The following MYT1L variants were observed in gnomAD, a reference collection of about 807,000 sequenced individuals.
MYT1L encodes the protein myelin transcription factor 1-like protein.
MYT1L carries 12 observed loss-of-function variants against 126.7 expected under a neutral mutation model. The observed-to-expected ratio is 0.09, with a 90% CI of 0.06 to 0.15. The LOEUF (loss-of-function observed/expected upper bound fraction) is 0.15, where lower values mean the gene tolerates loss of function less well. MYT1L is among the 10% of genes least tolerant of loss of function. The probability of loss-of-function intolerance (pLI) is 1.00; values close to 1 mark genes in which losing one functional copy is unlikely to be tolerated. For synonymous variants in MYT1L, 541 were observed against 604.2 expected (o/e 0.90, Z 1.53); for missense variants, 979 against 1,585.2 (o/e 0.62, Z 6.49).
chr2:1,928,364 G>GAAAGGCACCTTTCAGAGGCAC (rs2054503394), intron 9 of MYT1L, among the ~76,000 whole-genome samples: 1 of 152,206 alleles, frequency 6.6e-6, no homozygotes, highest in Non-Finnish European at 1.5e-5. Flanking sequence ...GGCACCTACT[G>GAAAGGCACCTTTCAGAGGCAC]CTCCCTCTGA....
At chr2:2,004,303 A>ATACGTTCTTTCCTGCG (rs2062852965) in intron 4 of MYT1L, among the ~76,000 whole-genome samples, 1 of 123,390 alleles carries the variant, frequency 8.1e-6, no homozygotes, top group African/African-American at 3.1e-5. Context: ...TCTTTCCTGC[A>ATACGTTCTTTCCTGCG]TGCGTTCTTT....
At chr2:1,985,825 G>A (rs923041454) in intron 5 of MYT1L, among the ~76,000 whole-genome samples, 13 of 152,188 alleles carry the variant, frequency 8.5e-5, no homozygotes, top group African/African-American at 3.1e-4. Flanking sequence ...CAACTTGTGA[G>A]AGTGCGACCA....
rs371203153 is a variant in MYT1L, at chr2:1,839,190, G to A, written c.3039C>T (p.Asp1013=). The change falls in exon 21 of 25, where the codon GAC becomes GAT. Residue 1013 remains aspartate, a synonymous_variant. Coordinates refer to ENST00000647738, the MANE Select transcript of MYT1L (RefSeq NM_001303052.2). ...EGMSCPTPGC[D]GSGHVSGSFL... ...AGCTGCCGCTGACGTGGCCTGAGCC[G>A]TCGCATCCTGGCGTGGGGCAGGACA... is the stretch of plus-strand genomic sequence containing the variant. 3.0e-4 allele frequency: 482 copies of A among 1,613,398 alleles called. No homozygotes were observed. Among genetic ancestry groups the A allele is most frequent in the Non-Finnish European group, 3.8e-4 (451 of 1,179,846 alleles).
intron 2 of MYT1L, among the ~76,000 whole-genome samples, chr2:2,237,705 C>A (rs545000724): frequency 7.9e-5 from 12 of 152,286 alleles, no homozygotes; most frequent in African/African-American, 2.9e-4. Flanking sequence ...AGTCCCTAAG[C>A]CCCTGGATTG....
intron 5 of MYT1L, among the ~76,000 whole-genome samples, chr2:1,996,524 G>A (rs1285763521): frequency 6.8e-6 from 1 of 146,812 alleles, no homozygotes; most frequent in Non-Finnish European, 1.5e-5. Context: ...TAGTGAGTGA[G>A]GGCCGCCCTG....
chr2:1,978,985 G>A (rs1404850890), intron 8 of MYT1L, among the ~76,000 whole-genome samples, 180 bp downstream of exon 8: 2 of 152,052 alleles, frequency 1.3e-5, no homozygotes, highest in Admixed American at 6.6e-5. Flanking sequence ...GAGATCGAAC[G>A]GCTTATGTTT....
chr2:1,792,290 A>G (rs751288751), intron 24 of MYT1L, 31 bp downstream of exon 24: 5 of 1,576,244 alleles, frequency 3.2e-6, no homozygotes, highest in African/African-American at 1.3e-5. Flanking sequence ...GGAGGACTCC[A>G]CATTCCTGCC....
At chr2:2,235,507 T>G (rs2094272848) in intron 2 of MYT1L, among the ~76,000 whole-genome samples, 1 of 152,210 alleles carries the variant, frequency 6.6e-6, no homozygotes, top group Non-Finnish European at 1.5e-5. Flanking sequence ...GGCTGGTGTC[T>G]CCCTTGCTCC....
chr2:2,157,917 G>A (rs1252802541), intron 3 of MYT1L, among the ~76,000 whole-genome samples: 1 of 152,094 alleles, frequency 6.6e-6, no homozygotes, highest in Non-Finnish European at 1.5e-5. Flanking sequence ...GATCCACAGA[G>A]CCAGACTCTG....
intron 18 of MYT1L, among the ~76,000 whole-genome samples, chr2:1,861,645 G>C (rs944388416): frequency 2.7e-5 from 2 of 74,664 alleles, no homozygotes; most frequent in Non-Finnish European, 6.3e-5. Flanking sequence ...TGTAATCCTG[G>C]ATCTTCCTAC....
intron 2 of MYT1L, among the ~76,000 whole-genome samples, chr2:2,273,853 C>CA (rs35578652): frequency 3.3e-5 from 5 of 151,854 alleles, no homozygotes; most frequent in Admixed American, 6.6e-5. Context: ...TATCCGCCCA[C>CA]AAAAAAAATT....
At chr2:2,293,256 A>G (rs1259552574) in intron 1 of MYT1L, among the ~76,000 whole-genome samples, 1 of 152,160 alleles carries the variant, frequency 6.6e-6, no homozygotes, top group African/African-American at 2.4e-5. Context: ...AAAGAACAAG[A>G]ACAGCACCGA....
chr2:2,245,281 G>A (rs532633959), intron 2 of MYT1L, among the ~76,000 whole-genome samples: 29 of 152,148 alleles, frequency 1.9e-4, no homozygotes, highest in East Asian at 1.2e-3. Flanking sequence ...CAAAGCATGT[G>A]CTGGGCCGAC....
chr2:2,080,178 ATC>A (rs1341757036), intron 3 of MYT1L, among the ~76,000 whole-genome samples: 4 of 152,228 alleles, frequency 2.6e-5, no homozygotes, highest in Non-Finnish European at 5.9e-5. Flanking sequence ...CGCAAAATGT[ATC>A]AAAGGCCTAA....
rs766148461 is a variant in MYT1L at position 2,289,664 on chromosome 2, C to G, written c.-520-5161G>C. Reference sequence around the variant, plus strand: ...CTGCAAACAAATGTTAACTCCCCCTCACTGGTACCACCCATGGAATAAAAA... The same window carrying G: ...CTGCAAACAAATGTTAACTCCCCCTGACTGGTACCACCCATGGAATAAAAA... On this transcript the variant is annotated intron_variant, in intron 1 of 24. Transcript: ENST00000647738. Among the ~76,000 whole-genome samples, 6 of 152,306 alleles carry G rather than the reference C, an allele frequency of 3.9e-5. No homozygotes were observed. The South Asian group carries it at 1.0e-3, about 26-fold the overall frequency.
chr2:2,004,061 G>A (rs1306763321), intron 4 of MYT1L, among the ~76,000 whole-genome samples: 1 of 142,816 alleles, frequency 7.0e-6, no homozygotes, highest in Non-Finnish European at 1.5e-5. Context: ...ATACTTTCCT[G>A]CAGGCGTTCT....
intron 18 of MYT1L, 180 bp downstream of exon 18, chr2:1,886,359 G>T: frequency 2.3e-6 from 1 of 442,174 alleles, no homozygotes; most frequent in South Asian, 5.7e-5. Context: ...AGGCAGAATG[G>T]GTTGTGTGGA....
chr2:1,839,450 C>A (rs959695819), intron 20 of MYT1L, 80 bp from the exon 21 acceptor site: 6 of 1,291,438 alleles, frequency 4.6e-6, no homozygotes, highest in Admixed American at 2.2e-5. Context: ...CAGAATAACC[C>A]GGCATGAAGA....
intron 9 of MYT1L, 35 bp from the exon 10 acceptor site, chr2:1,923,298 A>G (rs1189108376): frequency 1.3e-6 from 2 of 1,521,444 alleles, no homozygotes; most frequent in East Asian, 4.9e-5. Context: ...AAAAGAAAAG[A>G]AAAGGAAAAA....
Sources: gnomAD v4.1 joint callset for allele counts (sites outside exome capture counted in the v4.1 genomes callset) on GRCh38, gnomAD v4.1.1 for gene constraint, MANE v1.5 for transcripts, NCBI Gene and HGNC (gene_info 2026-07-23, HGNC 2026-07-21) for gene names.